Variants in CDH13 observed in about 807,000 individuals in gnomAD.
CDH13 encodes cadherin-13.
A neutral mutation model predicts 63.8 loss-of-function variants in CDH13; 24 were observed. The ratio of observed to expected loss-of-function variants is 0.38; its 90% CI spans 0.27 to 0.53. CDH13 has a LOEUF of 0.53. Among genes scored for constraint, CDH13 ranks in the 20% least tolerant of loss-of-function variants. CDH13 has a pLI of 0.85. For synonymous variants in CDH13, 503 were observed against 355.3 expected (o/e 1.42, Z -4.67); for missense variants, 1,049 against 903.1 (o/e 1.16, Z -2.07).
At chr16:83,575,645 A>G (rs979917136) in intron 7 of CDH13, among the ~76,000 whole-genome samples, 2 of 152,046 alleles carry the variant, frequency 1.3e-5, no homozygotes, top group Non-Finnish European at 2.9e-5. Flanking sequence ...TATTGTCCTC[A>G]TTACCTCTTA....
intron 3 of CDH13, among the ~76,000 whole-genome samples, chr16:83,111,491 C>T (rs2035057159): frequency 6.6e-6 from 1 of 152,154 alleles, no homozygotes; most frequent in Admixed American, 6.5e-5. Context: ...TGAGGATTTG[C>T]AAGTCGATCA....
chr16:82,947,584 A>G (rs1904870857), intron 2 of CDH13, among the ~76,000 whole-genome samples: 1 of 152,214 alleles, frequency 6.6e-6, no homozygotes, highest in Non-Finnish European at 1.5e-5. Context: ...ATTTTACAAA[A>G]AGACATTTTA....
chr16:82,828,343 T>C (rs974820779), intron 1 of CDH13, among the ~76,000 whole-genome samples: 9 of 151,960 alleles, frequency 5.9e-5, no homozygotes, highest in Admixed American at 4.6e-4. Context: ...TCTGGCCGAG[T>C]GTGGTGGCTC....
intron 4 of CDH13, among the ~76,000 whole-genome samples, chr16:83,192,944 T>C (rs1317986896): frequency 1.3e-5 from 2 of 152,008 alleles, no homozygotes; most frequent in Non-Finnish European, 2.9e-5. Flanking sequence ...ACAATTTCTC[T>C]TAAAGAGAAA....
intron 6 of CDH13, among the ~76,000 whole-genome samples, chr16:83,349,050 G>A (rs973734132): frequency 1.3e-5 from 2 of 152,198 alleles, no homozygotes; most frequent in Non-Finnish European, 2.9e-5. Flanking sequence ...ATATTTATCT[G>A]TATGTGCAGA....
chr16:82,985,486 A>G (rs1207110255), intron 2 of CDH13, among the ~76,000 whole-genome samples: 2 of 152,160 alleles, frequency 1.3e-5, no homozygotes, highest in Admixed American at 6.5e-5. Flanking sequence ...CATTAGACAT[A>G]TTTGTGGCTT....
intron 1 of CDH13, chr16:82,639,321 A>T: frequency 1.4e-6 from 2 of 1,442,686 alleles, no homozygotes; most frequent in Non-Finnish European, 1.9e-6. Context: ...GCCCGGGGTC[A>T]TTTGTGTTCT....
intron 4 of CDH13, among the ~76,000 whole-genome samples, chr16:83,203,721 T>TA (rs1054398914): frequency 1.5e-4 from 21 of 142,482 alleles, no homozygotes; most frequent in Admixed American, 1.1e-3. Flanking sequence ...TATACACTAA[T>TA]AAAAAAATTT....
intron 4 of CDH13, among the ~76,000 whole-genome samples, chr16:83,186,259 C>A (rs2038520785): frequency 6.6e-6 from 1 of 151,990 alleles, no homozygotes; most frequent in African/African-American, 2.4e-5. Flanking sequence ...CCGACTCAGC[C>A]TCCTGAGTAG....
At chr16:83,204,975 C>G (rs961241293) in intron 4 of CDH13, among the ~76,000 whole-genome samples, 8 of 152,232 alleles carry the variant, frequency 5.3e-5, no homozygotes, top group Admixed American at 2.6e-4. Context: ...TAACGCAAGT[C>G]CCATGGCCAC....
chr16:83,417,317 C>T (rs973649486), intron 6 of CDH13, among the ~76,000 whole-genome samples: 4 of 152,160 alleles, frequency 2.6e-5, no homozygotes, highest in Non-Finnish European at 5.9e-5. Context: ...CTCCCCTTTC[C>T]CCAAGATTAC....
chr16:83,279,767 C>T (rs2089106039), intron 5 of CDH13, among the ~76,000 whole-genome samples: 1 of 151,800 alleles, frequency 6.6e-6, no homozygotes, highest in African/African-American at 2.4e-5. Context: ...ATAATATAGG[C>T]GTAGCTCAGA....
At chr16:83,446,320 AGAAAG>A (rs1456501597) in intron 6 of CDH13, among the ~76,000 whole-genome samples, 4 of 151,684 alleles carry the variant, frequency 2.6e-5, no homozygotes, top group Non-Finnish European at 5.9e-5. Context: ...AAAAAAAGAA[AGAAAG>A]AAAAAAGAAA....
intron 6 of CDH13, among the ~76,000 whole-genome samples, chr16:83,463,959 G>C (rs564410709): frequency 1.2e-4 from 19 of 152,298 alleles, no homozygotes; most frequent in African/African-American, 4.3e-4. Flanking sequence ...CAGCACTAAG[G>C]ACCACCACTT....
chr16:82,627,692 G>A (rs916316756), intron 1 of CDH13, among the ~76,000 whole-genome samples: 39 of 152,234 alleles, frequency 2.6e-4, no homozygotes, highest in Non-Finnish European at 4.6e-4. Flanking sequence ...CCTCGGGGCA[G>A]CAGAGAGCCT....
At chr16:82,627,698 AG>A (rs1458140882) in intron 1 of CDH13, among the ~76,000 whole-genome samples, 3 of 151,984 alleles carry the variant, frequency 2.0e-5, no homozygotes, top group Non-Finnish European at 4.4e-5. Context: ...GGCAGCAGAG[AG>A]CCTCAGCCCG....
At position 83,775,449 on chromosome 16, in the gene CDH13, C is replaced by G. The variant is rs1236664882; in HGVS notation, c.1682-4519C>G. Among the ~76,000 whole-genome samples the G allele has an allele frequency of 1.3e-5, 2 of 149,328 alleles. 1 individual carries two copies. Among genetic ancestry groups the G allele is most frequent in the Admixed American group, 1.5e-4 (2 of 13,398 alleles). ...TCCTAACATTATAAAGACAGAAGCC[C>G]CTACAAACTCAGCCAGACCCCCACA... is the stretch of plus-strand genomic sequence containing the variant. On this transcript the variant is annotated intron_variant, in intron 11 of 13. Coordinates refer to ENST00000567109, the MANE Select transcript of CDH13 (RefSeq NM_001257.5).
intron 9 of CDH13, among the ~76,000 whole-genome samples, chr16:83,674,805 T>C: frequency 6.6e-6 from 1 of 152,336 alleles, no homozygotes; most frequent in Non-Finnish European, 1.5e-5. Flanking sequence ...CTAAACCGAT[T>C]CTAAAACCAC....
chr16:82,775,644 A>C (rs1215762821), intron 1 of CDH13, among the ~76,000 whole-genome samples: 7 of 152,192 alleles, frequency 4.6e-5, no homozygotes, highest in Non-Finnish European at 5.9e-5. Context: ...AGGCCTCTCT[A>C]ACTGCTAAGT....
Sources: gnomAD v4.1 joint callset for allele counts (sites outside exome capture counted in the v4.1 genomes callset) on GRCh38, gnomAD v4.1.1 for gene constraint, MANE v1.5 for transcripts, NCBI Gene and HGNC (gene_info 2026-07-23, HGNC 2026-07-21) for gene names.